FSTL5: variants seen among roughly 807,000 people sequenced by gnomAD.
The protein encoded by FSTL5 is follistatin-related protein 5.
In FSTL5, 62 loss-of-function variants were observed where a neutral mutation model predicts 89.1. The ratio of observed to expected loss-of-function variants is 0.70; its 90% confidence interval spans 0.57 to 0.86. The LOEUF is 0.86. FSTL5 is among the 40% of genes least tolerant of loss of function. The pLI, the probability that FSTL5 is intolerant of heterozygous loss-of-function variation, is 0.00. For synonymous variants in FSTL5, 383 were observed against 346.2 expected (o/e 1.11, Z -1.18); for missense variants, 1,057 against 1,001.6 (o/e 1.06, Z -0.75).
intron 4 of FSTL5, among the ~76,000 whole-genome samples, chr4:161,838,260 T>C (rs977055749): frequency 1.3e-5 from 2 of 152,200 alleles, no homozygotes; most frequent in Non-Finnish European, 2.9e-5. Flanking sequence ...TCTTTACCTT[T>C]ATGTATTAAA....
chr4:161,987,917 C>A (rs1427773265), intron 3 of FSTL5, among the ~76,000 whole-genome samples: 1 of 151,570 alleles, frequency 6.6e-6, no homozygotes, highest in Admixed American at 6.6e-5. Flanking sequence ...TTATCTTAGT[C>A]CAACTTCTTT....
At chr4:161,479,950 G>A (rs1014037950) in intron 13 of FSTL5, among the ~76,000 whole-genome samples, 2 of 152,102 alleles carry the variant, frequency 1.3e-5, no homozygotes, top group South Asian at 2.1e-4. Flanking sequence ...GTGAATGGAT[G>A]GATGGATGGA....
intron 4 of FSTL5, among the ~76,000 whole-genome samples, chr4:161,916,389 A>C (rs1733840153): frequency 6.6e-6 from 1 of 152,222 alleles, no homozygotes; most frequent in African/African-American, 2.4e-5. Flanking sequence ...ACCTGATGCC[A>C]GGGTGAAAGG....
intron 2 of FSTL5, chr4:162,047,469 C>T (rs571412624): frequency 6.6e-6 from 1 of 152,118 alleles, no homozygotes; most frequent in Admixed American, 6.5e-5. Context: ...CCATGCAGAG[C>T]AGCATTTCTA....
intron 3 of FSTL5, among the ~76,000 whole-genome samples, chr4:161,921,793 G>A (rs191742194): frequency 1.7e-4 from 26 of 152,066 alleles, no homozygotes; most frequent in Middle Eastern, 3.4e-3. Context: ...TGTAACTCAC[G>A]TGTAACTCAG....
chr4:161,876,963 T>C (rs952854488), intron 4 of FSTL5, among the ~76,000 whole-genome samples: 5 of 151,900 alleles, frequency 3.3e-5, no homozygotes, highest in Non-Finnish European at 7.4e-5. Context: ...GACAGGCGGA[T>C]CACCAGAGGT....
At chr4:161,833,322 AGGTGT>A (rs1441912306) in intron 4 of FSTL5, among the ~76,000 whole-genome samples, 1 of 151,894 alleles carries the variant, frequency 6.6e-6, no homozygotes, top group African/African-American at 2.4e-5. Flanking sequence ...ATTTTGGAAT[AGGTGT>A]GGTGTGGTGC....
intron 3 of FSTL5, among the ~76,000 whole-genome samples, chr4:161,957,840 A>G (rs1735067345): frequency 6.6e-6 from 1 of 152,166 alleles, no homozygotes; most frequent in South Asian, 2.1e-4. Context: ...GTTGAGATCC[A>G]TATAAAGCTA....
intron 3 of FSTL5, among the ~76,000 whole-genome samples, chr4:161,946,044 T>C (rs1378828647): frequency 6.6e-6 from 1 of 152,178 alleles, no homozygotes; most frequent in East Asian, 1.9e-4. Context: ...ATGGTATATA[T>C]TTCCACAAAA....
rs371804129 is a variant in FSTL5, at chr4:161,712,953, G to A, written c.727+46458C>T. On this transcript the variant is annotated intron_variant, in intron 6 of 15. Coordinates refer to ENST00000306100, the MANE Select transcript of FSTL5 (RefSeq NM_020116.5). ...GAAGACTAGCAGATGCTGGTGTCAC[G>A]CTTATTATACCGCCTGCAGAACTGT... 5.9e-5 allele frequency among the ~76,000 whole-genome samples: 9 copies of A among 152,190 alleles called. No individual in the cohort carries two copies. The South Asian group carries it at 1.9e-3, about 32-fold the overall frequency.
intron 15 of FSTL5, among the ~76,000 whole-genome samples, chr4:161,393,618 T>G (rs1194609162): frequency 6.6e-6 from 1 of 152,108 alleles, no homozygotes; most frequent in East Asian, 1.9e-4. Flanking sequence ...AAAGGGCAAA[T>G]TCTAATTGGA....
intron 13 of FSTL5, among the ~76,000 whole-genome samples, chr4:161,478,810 T>C (rs150775142): frequency 6.6e-6 from 1 of 152,094 alleles, no homozygotes; most frequent in East Asian, 1.9e-4. Context: ...TAACTACAAA[T>C]ACAGAATCCA....
intron 14 of FSTL5, among the ~76,000 whole-genome samples, chr4:161,455,656 C>T (rs1175460763): frequency 6.6e-6 from 1 of 152,070 alleles, no homozygotes; most frequent in African/African-American, 2.4e-5. Flanking sequence ...GAGATTTCAT[C>T]TTTAATAATG....
intron 8 of FSTL5, among the ~76,000 whole-genome samples, chr4:161,572,178 G>C (rs1344025873): frequency 1.3e-5 from 2 of 151,860 alleles, no homozygotes; most frequent in Non-Finnish European, 2.9e-5. Context: ...AATTAGCCAG[G>C]CATGTTGACA....
At chr4:161,548,980 A>AAT (rs1273443622) in intron 8 of FSTL5, among the ~76,000 whole-genome samples, 3 of 151,880 alleles carry the variant, frequency 2.0e-5, no homozygotes, top group African/African-American at 4.8e-5. Context: ...TTCACATTGA[A>AAT]AGCAAATAGT....
chr4:162,002,929 G>A (rs916656170), intron 3 of FSTL5, among the ~76,000 whole-genome samples: 2 of 151,992 alleles, frequency 1.3e-5, no homozygotes, highest in African/African-American at 2.4e-5. Context: ...CAGATCACAA[G>A]GTCAAGAAAT....
At chr4:162,066,723 G>C (rs1337567553) in intron 2 of FSTL5, among the ~76,000 whole-genome samples, 1 of 151,596 alleles carries the variant, frequency 6.6e-6, no homozygotes, top group African/African-American at 2.4e-5. Context: ...AAGAATGATG[G>C]CTTCCTGTTT....
intron 3 of FSTL5, among the ~76,000 whole-genome samples, chr4:161,930,794 T>C (rs2110893404): frequency 1.3e-5 from 2 of 152,058 alleles, no homozygotes; most frequent in South Asian, 4.1e-4. Context: ...ACTTTGTTTA[T>C]CCCTTGAATT....
intron 11 of FSTL5, among the ~76,000 whole-genome samples, chr4:161,506,278 G>T (rs112787424): frequency 0.02 from 2,989 of 150,992 alleles, 92 homozygotes; most frequent in African/African-American, 0.068. Context: ...TTGCTATATT[G>T]CCTAGGCTGT....
Sources: allele counts gnomAD v4.1 joint callset (sites outside exome capture counted in the v4.1 genomes callset), GRCh38; gene constraint gnomAD v4.1.1; transcripts MANE v1.5; gene names NCBI Gene and HGNC (gene_info 2026-07-23, HGNC 2026-07-21).